The following NCKAP5 variants were observed in gnomAD, a reference collection of about 807,000 sequenced individuals.
NCKAP5 encodes NCK associated protein 5.
NCKAP5 carries 92 observed loss-of-function variants against 167.0 expected under a neutral mutation model. That is an observed-to-expected ratio of 0.55 (90% CI 0.47 to 0.66). NCKAP5 has a LOEUF of 0.66. NCKAP5 is among the 30% of genes least tolerant of loss of function. The pLI, the probability that NCKAP5 is intolerant of heterozygous loss-of-function variation, is 0.00. For synonymous variants in NCKAP5, 891 were observed against 877.4 expected (o/e 1.02, Z -0.27); for missense variants, 2,378 against 2,315.0 (o/e 1.03, Z -0.56).
chr2:133,370,752 T>C (rs895306542), intron 3 of NCKAP5, among the ~76,000 whole-genome samples: 3 of 151,414 alleles, frequency 2.0e-5, no homozygotes, highest in African/African-American at 7.3e-5. Context: ...ATCATCAAAA[T>C]AGATTTGTTC....
chr2:133,480,283 T>C (rs1230114548), intron 3 of NCKAP5, among the ~76,000 whole-genome samples: 2 of 152,126 alleles, frequency 1.3e-5, no homozygotes, highest in Non-Finnish European at 2.9e-5. Context: ...ACAGCATAAA[T>C]GAGAGACTGA....
intron 6 of NCKAP5, among the ~76,000 whole-genome samples, chr2:132,998,756 C>T (rs2149324601): frequency 6.6e-6 from 1 of 152,198 alleles, no homozygotes; most frequent in Middle Eastern, 3.4e-3. Flanking sequence ...CATTACTAGC[C>T]AGCACATAGT....
chr2:133,252,318 T>A (rs1231974149), intron 4 of NCKAP5, among the ~76,000 whole-genome samples: 1 of 152,212 alleles, frequency 6.6e-6, no homozygotes, highest in Non-Finnish European at 1.5e-5. Flanking sequence ...AAGAAATCCA[T>A]CTGCTCATGT....
chr2:133,490,795 A>G (rs1681371599), intron 3 of NCKAP5, among the ~76,000 whole-genome samples: 1 of 152,204 alleles, frequency 6.6e-6, no homozygotes, highest in South Asian at 2.1e-4. Flanking sequence ...AACTGACACA[A>G]TTGACTACAA....
At chr2:133,430,722 T>C (rs1167980852) in intron 3 of NCKAP5, among the ~76,000 whole-genome samples, 1 of 152,104 alleles carries the variant, frequency 6.6e-6, no homozygotes, top group Admixed American at 6.6e-5. Context: ...TCTGTTCCAT[T>C]GGTCTATATG....
rs1310524686 is a variant in NCKAP5 at position 133,498,480 on chromosome 2, A to AAGGAAGGAAGGCAGGCAGGC, written c.69+18977_69+18978insGCCTGCCTGCCTTCCTTCCT. Among the ~76,000 whole-genome samples the AAGGAAGGAAGGCAGGCAGGC allele has an allele frequency of 3.7e-3, 379 of 101,732 alleles. 4 individuals carry two copies. The highest frequency in any genetic ancestry group is 0.017 in the African/African-American group (348 of 20,330). 66.7% of individuals were successfully genotyped at this position (101,732 alleles called of 152,430 possible). On this transcript the variant is annotated intron_variant, in intron 3 of 19. Transcript: ENST00000409261. ...GAAGGAAGGAAGGAAGGAAGGAAGGAAGGCAGGCAGGCAGGCAGGCAGGCA... is the reference window on the plus strand; with the variant it reads ...GAAGGAAGGAAGGAAGGAAGGAAGGAAGGAAGGAAGGCAGGCAGGCAGGCAGGCAGGCAGGCAGGCAGGCA...
At chr2:133,019,607 A>C (rs2078456635) in intron 6 of NCKAP5, among the ~76,000 whole-genome samples, 1 of 152,188 alleles carries the variant, frequency 6.6e-6, no homozygotes, top group Admixed American at 6.5e-5. Context: ...GGATGAAGCC[A>C]CATAAGATTT....
intron 4 of NCKAP5, among the ~76,000 whole-genome samples, chr2:133,234,368 A>G (rs138992421): frequency 3.9e-5 from 6 of 152,196 alleles, no homozygotes; most frequent in African/African-American, 1.4e-4. Flanking sequence ...TTTCTTTCCC[A>G]ATAAAACTCA....
chr2:132,871,212 T>C (rs1017052546), intron 9 of NCKAP5, among the ~76,000 whole-genome samples: 2 of 152,152 alleles, frequency 1.3e-5, no homozygotes, highest in Admixed American at 6.5e-5. Flanking sequence ...AATTGACCAA[T>C]AGCATAATAG....
At chr2:133,093,872 T>C (rs186660528) in intron 6 of NCKAP5, among the ~76,000 whole-genome samples, 1 of 152,320 alleles carries the variant, frequency 6.6e-6, no homozygotes, top group African/African-American at 2.4e-5. Context: ...CCAGTGAGGA[T>C]GGTTATGCCT....
Position 133,361,971 on chromosome 2 carries a change from TAATC to T in NCKAP5, c.70-58865_70-58862del, listed in dbSNP as rs1374152482. Among the ~76,000 whole-genome samples, 14 of 150,244 alleles carry T rather than the reference TAATC, an allele frequency of 9.3e-5. No homozygotes were observed. The South Asian group carries it at 2.5e-3, about 27-fold the overall frequency. The stretch of plus-strand genomic sequence containing the variant: ...AAAGAGTGTATGGTAAGAAGAAAAA[TAATC>T]AAGGAATTGAGAGAAGCATAAATCT... On this transcript the variant is annotated intron_variant, in intron 3 of 19. Transcript: ENST00000409261.
At chr2:132,917,888 C>T (rs1695006777) in intron 8 of NCKAP5, among the ~76,000 whole-genome samples, 1 of 152,166 alleles carries the variant, frequency 6.6e-6, no homozygotes, top group Non-Finnish European at 1.5e-5. Flanking sequence ...CCTCCTCCTC[C>T]TCTGCAGGAG....
chr2:133,607,678 A>G, the NCKAP5 span, among the ~76,000 whole-genome samples: 1 of 152,200 alleles, frequency 6.6e-6, no homozygotes, highest in Non-Finnish European at 1.5e-5. Context: ...TAATAGAGGG[A>G]AAAAGCACTC....
At chr2:132,812,935 C>T (rs1685993038) in intron 11 of NCKAP5, among the ~76,000 whole-genome samples, 1 of 152,134 alleles carries the variant, frequency 6.6e-6, no homozygotes, top group Non-Finnish European at 1.5e-5. Context: ...AGGGCACTGT[C>T]CCATTCATAA....
the NCKAP5 span, among the ~76,000 whole-genome samples, chr2:133,582,842 CT>C: frequency 6.6e-6 from 1 of 152,198 alleles, no homozygotes; most frequent in East Asian, 1.9e-4. Context: ...TTCACTCAGC[CT>C]TGACCAAATT....
At chr2:133,530,919 T>C (rs1685309107) in intron 2 of NCKAP5, among the ~76,000 whole-genome samples, 1 of 152,144 alleles carries the variant, frequency 6.6e-6, no homozygotes, top group Non-Finnish European at 1.5e-5. Flanking sequence ...CCACCAGCTA[T>C]AGTCAAATAC....
chr2:133,095,822 T>C lies in NCKAP5; in HGVS notation c.341+34156A>G, dbSNP rs142062908. 3.9e-5 allele frequency among the ~76,000 whole-genome samples: 6 copies of C among 152,344 alleles called. No homozygotes were observed. In the East Asian group the frequency reaches 1.2e-3, roughly 29 times the overall value. ...TGATAAACAGTGTTGTGTTTTCCAGTCATTAAACTGGACCATACGAAATTG... is the reference window on the plus strand; with the variant it reads ...TGATAAACAGTGTTGTGTTTTCCAGCCATTAAACTGGACCATACGAAATTG... On this transcript the variant is annotated intron_variant, in intron 6 of 19. Transcript: ENST00000409261.
chr2:133,533,289 ACC>A (rs1558761335), intron 2 of NCKAP5, among the ~76,000 whole-genome samples: 6 of 152,246 alleles, frequency 3.9e-5, no homozygotes, highest in African/African-American at 1.4e-4. Flanking sequence ...GGTTCACTTT[ACC>A]AAACTCTTCA....
intron 5 of NCKAP5, among the ~76,000 whole-genome samples, chr2:133,195,368 A>G (rs1305239961): frequency 6.6e-6 from 1 of 152,082 alleles, no homozygotes; most frequent in Non-Finnish European, 1.5e-5. Flanking sequence ...GAATAGACGA[A>G]ATCAGAATCA....
Sources: allele counts gnomAD v4.1 joint callset (sites outside exome capture counted in the v4.1 genomes callset), GRCh38; gene constraint gnomAD v4.1.1; transcripts MANE v1.5; gene names NCBI Gene and HGNC (gene_info 2026-07-23, HGNC 2026-07-21).